The following TSHZ2 variants were observed in gnomAD, a reference collection of about 807,000 sequenced individuals.
The protein encoded by TSHZ2 is teashirt zinc finger homeobox 2.
In TSHZ2, 21 loss-of-function variants were observed where a neutral mutation model predicts 74.4. The ratio of observed to expected loss-of-function variants is 0.28; its 90% CI spans 0.20 to 0.41. The LOEUF (loss-of-function observed/expected upper bound fraction) is 0.41, where lower values mean the gene tolerates loss of function less well. Ranked by LOEUF, TSHZ2 falls within the 10% of genes least tolerant of loss-of-function variation. The pLI is 1.00. For synonymous variants in TSHZ2, 540 were observed against 515.3 expected (o/e 1.05, Z -0.65); for missense variants, 1,244 against 1,293.5 (o/e 0.96, Z 0.59).
chr20:53,010,966 A>G (rs1449899327), intron 1 of TSHZ2, among the ~76,000 whole-genome samples: 1 of 152,226 alleles, frequency 6.6e-6, no homozygotes, highest in Non-Finnish European at 1.5e-5. Flanking sequence ...AGCTATAATA[A>G]AACAGTCATA....
chr20:53,480,059 C>A (rs1415709288), intron 2 of TSHZ2, among the ~76,000 whole-genome samples: 1 of 129,818 alleles, frequency 7.7e-6, no homozygotes, highest in African/African-American at 3.2e-5. Context: ...ACAACATAAC[C>A]CAGGTTTTTG....
intron 1 of TSHZ2, among the ~76,000 whole-genome samples, chr20:53,212,932 G>A (rs1021914690): frequency 3.3e-5 from 5 of 152,166 alleles, no homozygotes; most frequent in Non-Finnish European, 1.5e-5. Flanking sequence ...TGCTCATTAG[G>A]TGGTTGGTGT....
chr20:53,430,328 C>G (rs1384669935), intron 2 of TSHZ2, among the ~76,000 whole-genome samples: 1 of 152,054 alleles, frequency 6.6e-6, no homozygotes, highest in Non-Finnish European at 1.5e-5. Flanking sequence ...TGGTCTCAAA[C>G]TCCTGACCTC....
intron 1 of TSHZ2, among the ~76,000 whole-genome samples, chr20:53,223,121 A>C (rs1989602721): frequency 1.3e-5 from 2 of 151,448 alleles, no homozygotes; most frequent in African/African-American, 4.9e-5. Flanking sequence ...TTCTGTTGAG[A>C]AGTGCTGACC....
chr20:53,461,961 G>A lies in TSHZ2; in HGVS notation c.*9-25183G>A, dbSNP rs1312192315. Reference sequence around the variant, plus strand: ...AAAAGAGAGCTATGGCCCAGGAGCAGTGGCTCATGCCTGTAATCCCAACAC... The same window carrying A: ...AAAAGAGAGCTATGGCCCAGGAGCAATGGCTCATGCCTGTAATCCCAACAC... On this transcript the variant is annotated intron_variant, in intron 2 of 2. Transcript: ENST00000371497. 2.0e-5 allele frequency among the ~76,000 whole-genome samples: 3 copies of A among 152,344 alleles called. No individual in the cohort carries two copies. In the East Asian group the frequency reaches 5.8e-4, roughly 29 times the overall value.
At chr20:53,351,798 C>A (rs1183796020) in intron 2 of TSHZ2, among the ~76,000 whole-genome samples, 1 of 152,192 alleles carries the variant, frequency 6.6e-6, no homozygotes. Context: ...CAGACATCTT[C>A]CTCAAGGAGG....
chr20:53,145,634 G>A (rs906736253), intron 1 of TSHZ2, among the ~76,000 whole-genome samples: 2 of 152,180 alleles, frequency 1.3e-5, no homozygotes, highest in African/African-American at 4.8e-5. Context: ...TCCCAATGAG[G>A]GCTAAGGATG....
At chr20:53,228,176 C>G (rs1211009920) in intron 1 of TSHZ2, among the ~76,000 whole-genome samples, 1 of 151,248 alleles carries the variant, frequency 6.6e-6, no homozygotes, top group Non-Finnish European at 1.5e-5. Context: ...GGATGTGAAA[C>G]AGAAACCCTG....
chr20:53,070,782 G>C (rs550827478), intron 1 of TSHZ2, among the ~76,000 whole-genome samples: 81 of 152,294 alleles, frequency 5.3e-4, no homozygotes, highest in Non-Finnish European at 6.2e-4. Flanking sequence ...CTGAGGAAGA[G>C]CCTTTTTCTG....
At chr20:53,063,479 T>G (rs1984882835) in intron 1 of TSHZ2, among the ~76,000 whole-genome samples, 1 of 152,192 alleles carries the variant, frequency 6.6e-6, no homozygotes, top group Non-Finnish European at 1.5e-5. Flanking sequence ...TTAAAGATTT[T>G]TAAGGGTAGA....
intron 1 of TSHZ2, among the ~76,000 whole-genome samples, chr20:53,251,692 T>C (rs531709612): frequency 1.3e-5 from 2 of 152,308 alleles, no homozygotes; most frequent in South Asian, 4.1e-4. Flanking sequence ...ATAAAACTCA[T>C]GGCTAGACTG....
chr20:53,273,008 A>G (rs1990869963), intron 2 of TSHZ2, among the ~76,000 whole-genome samples: 1 of 152,262 alleles, frequency 6.6e-6, no homozygotes, highest in African/African-American at 2.4e-5. Flanking sequence ...GACAGGAGTC[A>G]GGTGGCAACT....
intron 1 of TSHZ2, among the ~76,000 whole-genome samples, chr20:53,057,745 G>A (rs144856514): frequency 7.2e-5 from 11 of 152,276 alleles, no homozygotes; most frequent in Admixed American, 1.3e-4. Flanking sequence ...TGATGAACAC[G>A]CATGGTTCTT....
intron 1 of TSHZ2, among the ~76,000 whole-genome samples, chr20:53,004,130 C>G (rs566034518): frequency 6.6e-6 from 1 of 151,846 alleles, no homozygotes; most frequent in African/African-American, 2.4e-5. Flanking sequence ...GCATGGAACA[C>G]GCACCCACTC....
intron 2 of TSHZ2, among the ~76,000 whole-genome samples, chr20:53,286,301 A>C (rs1991164938): frequency 6.6e-6 from 1 of 152,254 alleles, no homozygotes; most frequent in Admixed American, 6.5e-5. Context: ...TTTGTGAGGC[A>C]ACACAAGACT....
intron 1 of TSHZ2, among the ~76,000 whole-genome samples, chr20:52,983,368 C>A (rs975690493): frequency 6.6e-6 from 1 of 152,152 alleles, no homozygotes; most frequent in African/African-American, 2.4e-5. Flanking sequence ...GTTTTTTATT[C>A]TTGCACTTAA....
At chr20:53,486,319 GT>G (rs1260872252) in intron 2 of TSHZ2, among the ~76,000 whole-genome samples, 97 of 152,254 alleles carry the variant, frequency 6.4e-4, no homozygotes, top group African/African-American at 2.2e-3. Context: ...TTGCTTCTGA[GT>G]TTTGGCTATT....
At chr20:53,322,333 C>A (rs561977545) in intron 2 of TSHZ2, among the ~76,000 whole-genome samples, 1 of 152,138 alleles carries the variant, frequency 6.6e-6, no homozygotes, top group East Asian at 1.9e-4. Flanking sequence ...GCCAACAGGG[C>A]AAAACCCCAT....
intron 1 of TSHZ2, among the ~76,000 whole-genome samples, chr20:53,158,766 C>G (rs1987857033): frequency 6.6e-6 from 1 of 152,178 alleles, no homozygotes; most frequent in Non-Finnish European, 1.5e-5. Flanking sequence ...CTAAATCCCT[C>G]CTTCATCACC....
Sources: allele counts gnomAD v4.1 joint callset (sites outside exome capture counted in the v4.1 genomes callset), GRCh38; gene constraint gnomAD v4.1.1; transcripts MANE v1.5; gene names NCBI Gene and HGNC (gene_info 2026-07-23, HGNC 2026-07-21).